Variants in NEXMIF observed in about 807,000 individuals in gnomAD.
NEXMIF encodes the protein neurite extension and migration factor.
A neutral mutation model predicts 62.1 loss-of-function variants in NEXMIF; 8 were observed. The observed-to-expected ratio is 0.13, with a 90% confidence interval of 0.08 to 0.23. The LOEUF is 0.23. Among genes scored for constraint, NEXMIF ranks in the 10% least tolerant of loss-of-function variants. The probability of loss-of-function intolerance (pLI) is 1.00; values close to 1 mark genes in which losing one functional copy is unlikely to be tolerated. For synonymous variants in NEXMIF, 404 were observed against 416.6 expected (o/e 0.97, Z 0.37); for missense variants, 976 against 1,113.3 (o/e 0.88, Z 1.75).
intron 1 of NEXMIF, among the ~76,000 whole-genome samples, chrX:74,889,952 GTCTCTCTC>G (rs72364877): frequency 0.091 from 8,280 of 91,084 alleles, 888 homozygotes; most frequent in African/African-American, 0.3. Context: ...AACCTAATCT[GTCTCTCTC>G]TCTCTCTCTC....
At chrX:74,796,125 T>A (rs1284379855) in intron 1 of NEXMIF, among the ~76,000 whole-genome samples, 2 of 76,536 alleles carry the variant, frequency 2.6e-5, no homozygotes, top group East Asian at 3.8e-4. Context: ...ATATATATAT[T>A]TATATATAAT....
chrX:74,744,930 C>CTCTCTCTCT (rs1556016953), intron 2 of NEXMIF, among the ~76,000 whole-genome samples: 1 of 86,565 alleles, frequency 1.2e-5, no homozygotes, highest in Non-Finnish European at 2.2e-5. Flanking sequence ...TTCTCTCTCT[C>CTCTCTCTCT]CTCTCTCTCT....
At chrX:74,819,307 T>A (rs1206364540) in intron 1 of NEXMIF, among the ~76,000 whole-genome samples, 13 of 111,625 alleles carry the variant, frequency 1.2e-4, no homozygotes, top group Non-Finnish European at 2.1e-4. Context: ...CCAAAAGCAA[T>A]GGCAACAAAA....
At position 74,733,141 on chromosome X, in the gene NEXMIF, T is replaced by C. The variant is rs755000201; in HGVS notation, c.*6264A>G. Reference sequence around the variant, plus strand: ...AGCAGAATTGGTGTAGGGCTTGGAATTTCGCATTCCTAACAAGTTCCCAGA... The same window carrying C: ...AGCAGAATTGGTGTAGGGCTTGGAACTTCGCATTCCTAACAAGTTCCCAGA... On this transcript the variant is annotated 3_prime_UTR_variant, in exon 4 of 4. Coordinates refer to ENST00000055682, the MANE Select transcript of NEXMIF (RefSeq NM_001008537.3). 2 of 111,489 alleles carry C rather than the reference T, an allele frequency of 1.8e-5. No homozygotes were observed. Among genetic ancestry groups the C allele is most frequent in the Non-Finnish European group, 3.8e-5 (2 of 53,082 alleles). 9.2% of individuals were successfully genotyped at this position (111,489 alleles called of 1,213,427 possible).
At chrX:74,747,823 C>T in intron 1 of NEXMIF, among the ~76,000 whole-genome samples, 1 of 111,224 alleles carries the variant, frequency 9.0e-6, no homozygotes, top group African/African-American at 3.3e-5. Flanking sequence ...GCCATGTTGG[C>T]CAGGCTGATC....
At chrX:74,794,559 G>A (rs1398031291) in intron 1 of NEXMIF, among the ~76,000 whole-genome samples, 5 of 112,492 alleles carry the variant, frequency 4.4e-5, no homozygotes, top group African/African-American at 1.6e-4. Context: ...GCAATGGCGA[G>A]CGCCCCTCCC....
intron 1 of NEXMIF, among the ~76,000 whole-genome samples, chrX:74,881,392 G>GCACA (rs367805528): frequency 0.036 from 3,150 of 88,414 alleles, 54 homozygotes; most frequent in African/African-American, 0.037. Flanking sequence ...ACATACACAT[G>GCACA]CACACACACA....
chrX:74,765,336 G>A lies in NEXMIF; in HGVS notation c.-47-19639C>T, dbSNP rs770037758. Reference sequence around the variant, plus strand: ...GTAGGTGTCACTGTATGTAAGTTGGGTTTCTTGAAGATGGCTTATCATTGG... The same window carrying A: ...GTAGGTGTCACTGTATGTAAGTTGGATTTCTTGAAGATGGCTTATCATTGG... On this transcript the variant is annotated intron_variant, in intron 1 of 3. Transcript: ENST00000055682. Among the ~76,000 whole-genome samples the A allele has an allele frequency of 9.0e-5, 10 of 111,650 alleles. 1 individual carries two copies. Among genetic ancestry groups the A allele is most frequent in the Admixed American group, 2.9e-4 (3 of 10,494 alleles).
intron 1 of NEXMIF, among the ~76,000 whole-genome samples, chrX:74,911,094 C>A (rs2080787761): frequency 8.9e-6 from 1 of 111,803 alleles, no homozygotes; most frequent in Non-Finnish European, 1.9e-5. Flanking sequence ...GACCCTTTGG[C>A]CCCTCAGCAC....
intron 1 of NEXMIF, among the ~76,000 whole-genome samples, chrX:74,903,383 C>CACACAG: frequency 9.8e-6 from 1 of 102,241 alleles, no homozygotes; most frequent in East Asian, 2.9e-4. Context: ...CACACACACA[C>CACACAG]ACAGACCTGA....
chrX:74,915,084 G>C (rs1442788935), intron 1 of NEXMIF, among the ~76,000 whole-genome samples: 5 of 111,820 alleles, frequency 4.5e-5, no homozygotes, highest in Non-Finnish European at 7.5e-5. Context: ...GCACAAAAGA[G>C]ATCTCTAGCG....
chrX:74,882,811 C>A (rs2080671542), intron 1 of NEXMIF, among the ~76,000 whole-genome samples: 2 of 112,313 alleles, frequency 1.8e-5, no homozygotes, highest in Admixed American at 1.9e-4. Flanking sequence ...GTTCTCCCAG[C>A]ATGCAGCTTG....
At position 74,914,706 on chromosome X, in the gene NEXMIF, C is replaced by T. The variant is rs780694407; in HGVS notation, c.-48+10177G>A. ...ACTCAAACAAACAAACAAACAAAAC[C>T]AACCAACCAAACAAAAAGCACCTGT... is the stretch of plus-strand genomic sequence containing the variant. On this transcript the variant is annotated intron_variant, in intron 1 of 3. Coordinates refer to ENST00000055682, the MANE Select transcript of NEXMIF (RefSeq NM_001008537.3). 1.6e-4 allele frequency among the ~76,000 whole-genome samples: 18 copies of T among 111,457 alleles called. No individual in the cohort carries two copies. In the South Asian group the frequency reaches 6.8e-3, roughly 42 times the overall value.
At chrX:74,885,415 A>C (rs2080687638) in intron 1 of NEXMIF, among the ~76,000 whole-genome samples, 1 of 111,886 alleles carries the variant, frequency 8.9e-6, no homozygotes, top group Non-Finnish European at 1.9e-5. Flanking sequence ...ATAATAAAGA[A>C]GAAAAGGGAG....
chrX:74,794,318 A>G (rs2147466659), intron 1 of NEXMIF, among the ~76,000 whole-genome samples: 1 of 105,318 alleles, frequency 9.5e-6, no homozygotes, highest in South Asian at 4.6e-4. Context: ...CCACTTGAGG[A>G]GGCAGTCTGC....
chrX:74,872,920 CTTAT>C (rs2080608756), intron 1 of NEXMIF, among the ~76,000 whole-genome samples: 1 of 108,735 alleles, frequency 9.2e-6, no homozygotes, highest in Non-Finnish European at 1.9e-5. Flanking sequence ...AGTGCAATGC[CTTAT>C]TTTTTTATTT....
intron 1 of NEXMIF, among the ~76,000 whole-genome samples, chrX:74,863,500 CTA>C (rs1353908619): frequency 2.7e-5 from 3 of 111,840 alleles, no homozygotes; most frequent in African/African-American, 9.7e-5. Context: ...ATAAACACCT[CTA>C]TGCAAATAAA....
At chrX:74,892,910 G>T (rs1414963457) in intron 1 of NEXMIF, among the ~76,000 whole-genome samples, 2 of 109,247 alleles carry the variant, frequency 1.8e-5, no homozygotes, top group Non-Finnish European at 3.8e-5. Context: ...AGACTAGTCT[G>T]TCTACCAGAC....
intron 1 of NEXMIF, among the ~76,000 whole-genome samples, chrX:74,832,239 T>C (rs2080440232): frequency 8.9e-6 from 1 of 112,023 alleles, no homozygotes; most frequent in South Asian, 3.7e-4. Context: ...TCCTGGGCTT[T>C]TCTTTACTAA....
Sources: allele counts gnomAD v4.1 joint callset (sites outside exome capture counted in the v4.1 genomes callset), GRCh38; gene constraint gnomAD v4.1.1; transcripts MANE v1.5; gene names NCBI Gene and HGNC (gene_info 2026-07-23, HGNC 2026-07-21).